The following SLC35D4 variants were observed in gnomAD, a reference collection of about 807,000 sequenced individuals.
SLC35D4 encodes UDP-N-acetylglucosamine transporter SLC35D4.
chr18:23,353,075 CAGTGTG>C, the SLC35D4 span, among the ~76,000 whole-genome samples: 4 of 65,000 alleles, frequency 6.2e-5, no homozygotes, highest in African/African-American at 2.3e-4. Context: ...GTGAGACAGA[CAGTGTG>C]TGTGTGTGTG....
chr18:23,309,133 T>C, the SLC35D4 span, among the ~76,000 whole-genome samples: 1 of 151,904 alleles, frequency 6.6e-6, no homozygotes, highest in Non-Finnish European at 1.5e-5. Flanking sequence ...CTGTACATGT[T>C]CAGTACAGAT....
chr18:23,363,890 G>C, the SLC35D4 span, among the ~76,000 whole-genome samples: 6 of 152,200 alleles, frequency 3.9e-5, no homozygotes, highest in Non-Finnish European at 8.8e-5. Context: ...ACAGCAGAGA[G>C]GGGACTCAAC....
chr18:23,407,010 G>T, the SLC35D4 span, among the ~76,000 whole-genome samples: 1 of 152,016 alleles, frequency 6.6e-6, no homozygotes, highest in Non-Finnish European at 1.5e-5. Context: ...GTGTCTCCCT[G>T]TGTTTCTCAG....
chr18:23,363,983 T>TGAA, the SLC35D4 span, among the ~76,000 whole-genome samples: 3 of 151,718 alleles, frequency 2.0e-5, no homozygotes, highest in Non-Finnish European at 4.4e-5. Context: ...GCAAGCGGAG[T>TGAA]GTAATAAGAA....
chr18:23,245,325 T>C, the SLC35D4 span, among the ~76,000 whole-genome samples: 1 of 152,034 alleles, frequency 6.6e-6, no homozygotes, highest in Admixed American at 6.6e-5. Context: ...CTAGCCAACA[T>C]GGCGAAACCC....
At chr18:23,385,893 A>G in the SLC35D4 span, among the ~76,000 whole-genome samples, 3 of 152,032 alleles carry the variant, frequency 2.0e-5, no homozygotes, top group African/African-American at 7.2e-5. Context: ...GCACTTTGGG[A>G]GGCCGAGAAG....
At chr18:23,331,568 T>A in the SLC35D4 span, 1 of 152,440 alleles carries the variant, frequency 6.6e-6, no homozygotes, top group Non-Finnish European at 1.5e-5. Context: ...ATCCGATTTT[T>A]AAAACTGAAG....
the SLC35D4 span, among the ~76,000 whole-genome samples, chr18:23,263,186 T>C: frequency 6.6e-6 from 1 of 152,254 alleles, no homozygotes; most frequent in African/African-American, 2.4e-5. Context: ...CCCAAGCACC[T>C]GTCCTGCCTC....
At chr18:23,403,482 A>G in the SLC35D4 span, among the ~76,000 whole-genome samples, 13 of 152,306 alleles carry the variant, frequency 8.5e-5, no homozygotes, top group South Asian at 1.5e-3. Context: ...AGACATAAAC[A>G]CGGCATGTGC....
chr18:23,245,314 C>T, the SLC35D4 span, among the ~76,000 whole-genome samples: 1 of 152,074 alleles, frequency 6.6e-6, no homozygotes, highest in African/African-American at 2.4e-5. Flanking sequence ...TGGAGACCAG[C>T]CTAGCCAACA....
At chr18:23,267,712 CCT>C in the SLC35D4 span, among the ~76,000 whole-genome samples, 1 of 152,174 alleles carries the variant, frequency 6.6e-6, no homozygotes, top group Admixed American at 6.5e-5. Flanking sequence ...CCTGCCCCAT[CCT>C]CTTTCCTTCC....
At chr18:23,386,831 G>A in the SLC35D4 span, among the ~76,000 whole-genome samples, 5 of 152,104 alleles carry the variant, frequency 3.3e-5, no homozygotes, top group Non-Finnish European at 7.4e-5. Flanking sequence ...TGTTAAGAGT[G>A]GCATACTCTC....
the SLC35D4 span, among the ~76,000 whole-genome samples, chr18:23,422,814 TC>T: frequency 0.94 from 141,793 of 151,094 alleles, 66,539 homozygotes; most frequent in African/African-American, 0.95. Context: ...CAAACACCCC[TC>T]CCCCCCCCAA....
chr18:23,286,732 A>G, the SLC35D4 span, among the ~76,000 whole-genome samples: 33 of 149,802 alleles, frequency 2.2e-4, no homozygotes, highest in African/African-American at 7.4e-4. Flanking sequence ...ACCTCTTAAA[A>G]CTCCCCAACT....
chr18:23,274,821 G>A, the SLC35D4 span, among the ~76,000 whole-genome samples: 11 of 152,338 alleles, frequency 7.2e-5, 1 homozygote, highest in South Asian at 1.7e-3. Context: ...ACACTCCCTG[G>A]AAAACATCTT....
the SLC35D4 span, chr18:23,253,167 T>C: frequency 1.4e-6 from 1 of 694,280 alleles, no homozygotes; most frequent in South Asian, 1.6e-5. Flanking sequence ...GTGGTTCCAG[T>C]GATTGAGTCA....
At chr18:23,301,226 T>G in the SLC35D4 span, among the ~76,000 whole-genome samples, 1 of 152,204 alleles carries the variant, frequency 6.6e-6, no homozygotes, top group Non-Finnish European at 1.5e-5. Flanking sequence ...CATAATCTAT[T>G]AAATTATGAT....
At chr18:23,372,034 C>T in the SLC35D4 span, among the ~76,000 whole-genome samples, 4 of 139,016 alleles carry the variant, frequency 2.9e-5, no homozygotes, top group African/African-American at 1.1e-4. Context: ...CTCCCGGGTT[C>T]ACGCCATTCT....
chr18:23,342,490 A>G, the SLC35D4 span, among the ~76,000 whole-genome samples: 1 of 152,136 alleles, frequency 6.6e-6, no homozygotes, highest in African/African-American at 2.4e-5. Flanking sequence ...GGACATTTAG[A>G]ATTATTTCCA....
Sources: allele counts gnomAD v4.1 joint callset (sites outside exome capture counted in the v4.1 genomes callset), GRCh38; gene constraint gnomAD v4.1.1; transcripts MANE v1.5; gene names NCBI Gene and HGNC (gene_info 2026-07-23, HGNC 2026-07-21).